RAD51B: variants seen among roughly 807,000 people sequenced by gnomAD.
RAD51B encodes the protein RAD51 paralog B, also known as DNA repair protein RAD51 homolog 2.
RAD51B carries 38 observed loss-of-function variants against 42.2 expected under a neutral mutation model. That is an observed-to-expected ratio of 0.90 (90% confidence interval 0.70 to 1.18). The LOEUF is 1.18. Ranked by LOEUF, RAD51B falls within the 50% of genes most tolerant of loss-of-function variation. The pLI is 0.00. For missense variants in RAD51B, 373 were observed against 400.7 expected, an observed-to-expected ratio of 0.93 and a Z score of 0.59; for synonymous variants, 154 against 145.2, an observed-to-expected ratio of 1.06 and a Z score of -0.43.
chr14:67,963,830 T>C (rs1341178386), intron 7 of RAD51B, among the ~76,000 whole-genome samples: 1 of 152,114 alleles, frequency 6.6e-6, no homozygotes, highest in African/African-American at 2.4e-5. Flanking sequence ...GTTTTTCTTT[T>C]TTTTAGGATT....
intron 10 of RAD51B, among the ~76,000 whole-genome samples, chr14:68,508,777 T>C (rs1885517329): frequency 6.6e-6 from 1 of 152,238 alleles, no homozygotes; most frequent in South Asian, 2.1e-4. Context: ...CCCAGAATGA[T>C]TCCAACACTT....
intron 10 of RAD51B, chr14:68,627,230 A>G (rs1379706677): frequency 2.6e-5 from 4 of 152,222 alleles, no homozygotes; most frequent in African/African-American, 9.6e-5. Context: ...ATCTGGTGCC[A>G]ATGATGTCCC....
chr14:67,977,943 G>A (rs2075025500), intron 7 of RAD51B, among the ~76,000 whole-genome samples: 1 of 152,122 alleles, frequency 6.6e-6, no homozygotes, highest in Non-Finnish European at 1.5e-5. Flanking sequence ...GCATTCCCTT[G>A]TATCTTCTTT....
intron 7 of RAD51B, among the ~76,000 whole-genome samples, chr14:68,115,472 C>A (rs547206979): frequency 7.8e-6 from 1 of 128,650 alleles, no homozygotes; most frequent in Admixed American, 7.8e-5. Context: ...GTGCAGCGCA[C>A]CAGCATGGCA....
At chr14:68,187,479 T>C (rs1317002652) in intron 7 of RAD51B, among the ~76,000 whole-genome samples, 1 of 152,240 alleles carries the variant, frequency 6.6e-6, no homozygotes, top group Non-Finnish European at 1.5e-5. Context: ...ATTTTACTTA[T>C]CCAACTTCCC....
At chr14:68,655,541 G>A (rs746333821) in intron 11 of RAD51B, among the ~76,000 whole-genome samples, 3 of 152,216 alleles carry the variant, frequency 2.0e-5, no homozygotes, top group Non-Finnish European at 2.9e-5. Flanking sequence ...GAGGGCAGGC[G>A]TGTGGGGGAG....
chr14:68,404,905 C>A (rs1764199269), intron 8 of RAD51B, among the ~76,000 whole-genome samples: 1 of 152,172 alleles, frequency 6.6e-6, no homozygotes, highest in African/African-American at 2.4e-5. Context: ...CATCGGTATC[C>A]TCCCAGAGAT....
chr14:68,128,447 C>A (rs1158471425), intron 7 of RAD51B, among the ~76,000 whole-genome samples: 1 of 152,172 alleles, frequency 6.6e-6, no homozygotes. Flanking sequence ...ATAATCCCAG[C>A]ACTTAGGCCA....
downstream of RAD51B, among the ~76,000 whole-genome samples, chr14:68,597,927 AC>A (rs1891069873): frequency 6.6e-6 from 1 of 152,050 alleles, no homozygotes; most frequent in Non-Finnish European, 1.5e-5. Context: ...AATGGAAAGG[AC>A]TGTATCTCGG....
chr14:68,311,533 G>C lies in RAD51B; in HGVS notation c.853+19553G>C, dbSNP rs547266118. ...TTATCATACTTAAAACAGCACTAGTGCTGTTAAGAAGACTCCACCCATAGA... is the reference window on the plus strand; with the variant it reads ...TTATCATACTTAAAACAGCACTAGTCCTGTTAAGAAGACTCCACCCATAGA... On this transcript the variant is annotated intron_variant, in intron 8 of 10. Coordinates refer to ENST00000471583, the MANE Select transcript of RAD51B (RefSeq NM_133510.4). Among the ~76,000 whole-genome samples, 7 of 152,284 alleles carry C rather than the reference G, an allele frequency of 4.6e-5. No individual in the cohort carries two copies. In the South Asian group the frequency reaches 1.0e-3, roughly 23 times the overall value.
At chr14:68,017,970 G>GAATAAATAAATAAATAAATAAATA (rs148672009) in intron 7 of RAD51B, among the ~76,000 whole-genome samples, 18 of 149,444 alleles carry the variant, frequency 1.2e-4, no homozygotes, top group Admixed American at 4.0e-4. Context: ...ACTCCGTCTC[G>GAATAAATAAATAAATAAATAAATA]AATAAATAAA....
At chr14:68,130,183 T>C (rs2077856931) in intron 7 of RAD51B, 1 of 152,246 alleles carries the variant, frequency 6.6e-6, no homozygotes, top group Admixed American at 6.5e-5. Context: ...TCTCAACTCC[T>C]AGAGGTTGTT....
chr14:68,004,758 G>A (rs2075552051), intron 7 of RAD51B, among the ~76,000 whole-genome samples: 1 of 152,098 alleles, frequency 6.6e-6, no homozygotes, highest in African/African-American at 2.4e-5. Flanking sequence ...TGCCCTTTCA[G>A]CCACTGCCTT....
intron 11 of RAD51B, among the ~76,000 whole-genome samples, chr14:68,671,548 T>C (rs186865068): frequency 2.6e-5 from 4 of 152,206 alleles, no homozygotes; most frequent in Non-Finnish European, 4.4e-5. Flanking sequence ...CAGCTTCAAC[T>C]CTGCTCTCTC....
At chr14:67,985,864 C>T (rs974311266) in intron 7 of RAD51B, among the ~76,000 whole-genome samples, 1 of 151,944 alleles carries the variant, frequency 6.6e-6, no homozygotes, top group Non-Finnish European at 1.5e-5. Flanking sequence ...GAGCTGAGGT[C>T]GTGCCACTGC....
chr14:68,323,562 C>T (rs1271185351), intron 8 of RAD51B, among the ~76,000 whole-genome samples: 1 of 152,128 alleles, frequency 6.6e-6, no homozygotes, highest in Non-Finnish European at 1.5e-5. Flanking sequence ...GAGGCCAAGG[C>T]AGGTGGATCA....
chr14:68,405,048 C>G (rs1472969464), intron 8 of RAD51B, among the ~76,000 whole-genome samples: 1 of 152,190 alleles, frequency 6.6e-6, no homozygotes. Context: ...CGAACCCTGG[C>G]TGTGTCAGTA....
intron 7 of RAD51B, among the ~76,000 whole-genome samples, chr14:68,164,422 CTTATT>C (rs1382104830): frequency 1.3e-5 from 2 of 152,136 alleles, no homozygotes. Context: ...GAAAACTATA[CTTATT>C]TTATACTACA....
intron 7 of RAD51B, among the ~76,000 whole-genome samples, chr14:67,972,802 T>C (rs1433179086): frequency 6.6e-6 from 1 of 152,080 alleles, no homozygotes; most frequent in Non-Finnish European, 1.5e-5. Context: ...TGGGAACCGT[T>C]TGAACAAAAT....
Sources: gnomAD v4.1 joint callset for allele counts (sites outside exome capture counted in the v4.1 genomes callset) on GRCh38, gnomAD v4.1.1 for gene constraint, MANE v1.5 for transcripts, NCBI Gene and HGNC (gene_info 2026-07-23, HGNC 2026-07-21) for gene names.